Variants in ZDHHC4 observed in about 807,000 individuals in gnomAD.
The protein encoded by ZDHHC4 is zDHHC palmitoyltransferase 4.
ZDHHC4 carries 42 observed loss-of-function variants against 36.7 expected under a neutral mutation model. The observed-to-expected ratio is 1.14, with a 90% CI of 0.89 to 1.48. The LOEUF (loss-of-function observed/expected upper bound fraction) is 1.48. Ranked by LOEUF, ZDHHC4 falls within the 40% of genes most tolerant of loss-of-function variation. ZDHHC4 has a pLI of 0.00. For synonymous variants in ZDHHC4, 189 were observed against 166.6 expected (o/e 1.13, Z -1.03); for missense variants, 457 against 421.5 (o/e 1.08, Z -0.74).
chr7:6,586,802 T>C (rs770295582), intron 7 of ZDHHC4, among the ~76,000 whole-genome samples: 3 of 152,124 alleles, frequency 2.0e-5, no homozygotes, highest in Non-Finnish European at 4.4e-5. Context: ...TATGGCTGAA[T>C]AGTATTCCGC....
At chr7:6,585,403 C>T (rs979808737) in intron 7 of ZDHHC4, 143 bp downstream of exon 7, 75 of 1,185,412 alleles carry the variant, frequency 6.3e-5, no homozygotes, top group Middle Eastern at 2.9e-4. Context: ...GTGGGAGGAT[C>T]GCATGAGGCT....
At chr7:6,578,190 C>T (rs1021468299) in intron 1 of ZDHHC4, among the ~76,000 whole-genome samples, 1 of 152,110 alleles carries the variant, frequency 6.6e-6, no homozygotes, top group Non-Finnish European at 1.5e-5. Flanking sequence ...GGCAGTGGCA[C>T]GATCACAGCT....
At chr7:6,588,522 G>A in intron 7 of ZDHHC4, 95 bp from the exon 8 acceptor site, 3 of 1,350,706 alleles carry the variant, frequency 2.2e-6, no homozygotes, top group South Asian at 1.3e-5. Flanking sequence ...AGGAAGCAGC[G>A]CTGGTGGCTG....
chr7:6,580,601 G>A lies in ZDHHC4; in HGVS notation c.40G>A (p.Val14Met). 1 of 1,614,148 alleles carries A rather than the reference G, an allele frequency of 6.2e-7. No homozygotes were observed. The highest frequency in any genetic ancestry group is 8.5e-7 in the Non-Finnish European group (1 of 1,180,046). The change falls in exon 3 of 8, where the codon GTG becomes ATG. Residue 14 changes from valine (V) to methionine (M), a missense_variant. Physicochemically the swap from Val to Met is conservative, Grantham distance 21. Coordinates refer to ENST00000335965, the MANE Select transcript of ZDHHC4 (RefSeq NM_001134389.2). ...LVLFLFYLAS[V>M]LMGLVLICVC... ...CCTCTTCTTGTTCTACCTGGCTTCG[G>A]TGCTGATGGGTCTTGTTCTTATCTG...
chr7:6,584,869 G>A, intron 6 of ZDHHC4, 147 bp from the exon 7 acceptor site: 1 of 1,224,044 alleles, frequency 8.2e-7, no homozygotes, highest in South Asian at 1.5e-5. Flanking sequence ...GGACACCACA[G>A]TTCCAAAAGC....
chr7:6,585,086 G>T lies in ZDHHC4; in HGVS notation c.567G>T (p.Trp189Cys). 6.2e-7 allele frequency: 1 copy of T among 1,614,136 alleles called. No individual in the cohort carries two copies. Among genetic ancestry groups the T allele is most frequent in the South Asian group, 1.1e-5 (1 of 91,074 alleles). The change falls in exon 7 of 8, where the codon TGG becomes TGT. Residue 189 changes from tryptophan to cysteine, a missense_variant. Coordinates refer to ENST00000335965, the MANE Select transcript of ZDHHC4 (RefSeq NM_001134389.2). ...GGGTGAACAACTGCATCGGGGCCTG[G>T]AACATCAGGTACTTCCTCATCTACG... ...CVWVNNCIGA[W>C]NIRYFLIYVL...
At chr7:6,585,403 C>G (rs979808737) in intron 7 of ZDHHC4, 143 bp downstream of exon 7, 2 of 1,185,414 alleles carry the variant, frequency 1.7e-6, no homozygotes, top group Non-Finnish European at 2.3e-6. Flanking sequence ...GTGGGAGGAT[C>G]GCATGAGGCT....
Position 6,583,430 on chromosome 7 carries a change from C to T in ZDHHC4, c.495C>T (p.Cys165=), listed in dbSNP as rs762985286. 9.3e-6 allele frequency: 15 copies of T among 1,608,370 alleles called. No homozygotes were observed. Among genetic ancestry groups the T allele is most frequent in the South Asian group, 3.3e-5 (3 of 90,560 alleles). ...DLRKPARSKH[C]SVCNWCVHRF... is the part of the protein sequence containing the mutation. ...GGAAACCAGCTCGATCCAAGCACTG[C>T]AGTGAGTGTGGCTCTCGTGACTCCA... The change falls in exon 6 of 8, where the codon TGC becomes TGT. Residue 165 remains cysteine, a splice_region_variant and synonymous_variant. Transcript: ENST00000335965.
intron 7 of ZDHHC4, among the ~76,000 whole-genome samples, chr7:6,587,600 C>G (rs1781328340): frequency 1.3e-5 from 2 of 152,186 alleles, no homozygotes; most frequent in Non-Finnish European, 2.9e-5. Flanking sequence ...TCTTGCCTTT[C>G]TCATTAGTCA....
chr7:6,579,378 T>A (rs1780680791), intron 2 of ZDHHC4, among the ~76,000 whole-genome samples: 1 of 151,888 alleles, frequency 6.6e-6, no homozygotes, highest in Non-Finnish European at 1.5e-5. Flanking sequence ...TTTTTGTGTT[T>A]TTAGTATAGA....
chr7:6,580,435 G>A, intron 2 of ZDHHC4, 120 bp from the exon 3 acceptor site: 1 of 810,854 alleles, frequency 1.2e-6, no homozygotes, highest in South Asian at 1.6e-5. Context: ...GCTTTGAGAT[G>A]TCATTAAAGT....
chr7:6,582,399 AT>A lies in ZDHHC4; in HGVS notation c.370+158del, dbSNP rs376561136. 2.4e-3 allele frequency: 1,819 copies of A among 747,122 alleles called. 6 individuals are homozygous for A. The highest frequency in any genetic ancestry group is 0.016 in the African/African-American group (923 of 56,006). 46.3% of individuals were successfully genotyped at this position (747,122 alleles called of 1,614,324 possible). A position where few individuals can be genotyped will look rare whatever the true frequency, so the allele number is the denominator to read the frequency against. On this transcript the variant is annotated intron_variant, in intron 5 of 7. Transcript: ENST00000335965. ...ACCTTTCAGTTTTGAGTGTTTTCTA[AT>A]TTTTTTTTTCTTCTTCAACCCATGG...
At chr7:6,580,822 C>A in intron 3 of ZDHHC4, 144 bp downstream of exon 3, 1 of 742,190 alleles carries the variant, frequency 1.3e-6, no homozygotes, top group Non-Finnish European at 2.2e-6. Context: ...GAAGCTGAGG[C>A]AGGAGGATCC....
At position 6,580,691 on chromosome 7, in the gene ZDHHC4, C is replaced by T; in HGVS notation, c.117+13C>T. The T allele has an allele frequency of 1.9e-6, 3 of 1,608,958 alleles. No individual in the cohort carries two copies. Among genetic ancestry groups the T allele is most frequent in the South Asian group, 1.1e-5 (1 of 90,958 alleles). ...GGGAGGAGCACAGGTAAGGATGATC[C>T]TTGGATGGCACTGGAATTTGAATAC... On this transcript the variant is annotated intron_variant, in intron 3 of 7. Transcript: ENST00000335965.
chr7:6,583,551 C>T (rs1276153427), intron 6 of ZDHHC4, 120 bp downstream of exon 6: 3 of 1,330,110 alleles, frequency 2.3e-6, no homozygotes, highest in African/African-American at 3.0e-5. Flanking sequence ...TATGGTGTGG[C>T]CACTACTTGT....
intron 7 of ZDHHC4, among the ~76,000 whole-genome samples, chr7:6,586,752 A>T (rs187244613): frequency 6.6e-6 from 1 of 152,320 alleles, no homozygotes; most frequent in African/African-American, 2.4e-5. Flanking sequence ...CTGGGATTAC[A>T]GGCATGAAAC....
rs753171268 is a variant in ZDHHC4, at chr7:6,585,078, G to T, written c.559G>T (p.Gly187Trp). 2 of 1,614,074 alleles carry T rather than the reference G, an allele frequency of 1.2e-6. No homozygotes were observed. The highest frequency in any genetic ancestry group is 1.7e-6 in the Non-Finnish European group (2 of 1,180,020). ...HHCVWVNNCI[G>W]AWNIRYFLIY... ...CTGTGTTTGGGTGAACAACTGCATC[G>T]GGGCCTGGAACATCAGGTACTTCCT... Residue 187 changes from glycine (G) to tryptophan (W), a missense_variant, in exon 7 of 8, where the codon GGG (glycine) becomes TGG (tryptophan). By Grantham distance (184) the Gly-to-Trp change is radical (BLOSUM62 -2). Coordinates refer to ENST00000335965, the MANE Select transcript of ZDHHC4 (RefSeq NM_001134389.2).
At chr7:6,587,303 G>A (rs561890152) in intron 7 of ZDHHC4, among the ~76,000 whole-genome samples, 1 of 152,186 alleles carries the variant, frequency 6.6e-6, no homozygotes, top group Non-Finnish European at 1.5e-5. Context: ...TCTTGGGAAT[G>A]GGGTTTTGGG....
At chr7:6,582,399 A>ATTT in intron 5 of ZDHHC4, 148 bp downstream of exon 5, 1 of 750,190 alleles carries the variant, frequency 1.3e-6, no homozygotes. Context: ...GTGTTTTCTA[A>ATTT]TTTTTTTTTT....
Sources: allele counts gnomAD v4.1 joint callset (sites outside exome capture counted in the v4.1 genomes callset), GRCh38; gene constraint gnomAD v4.1.1; transcripts MANE v1.5; gene names NCBI Gene and HGNC (gene_info 2026-07-23, HGNC 2026-07-21).